The following LAMA4 variants were observed in gnomAD, a reference collection of about 807,000 sequenced individuals.
LAMA4 encodes the protein laminin subunit alpha 4, also known as laminin subunit alpha-4.
A neutral mutation model predicts 207.1 loss-of-function variants in LAMA4; 127 were observed. The ratio of observed to expected loss-of-function variants is 0.61; its 90% CI spans 0.53 to 0.71. The LOEUF is 0.71. Among genes scored for constraint, LAMA4 ranks in the 30% least tolerant of loss-of-function variants. The pLI, the probability that LAMA4 is intolerant of heterozygous loss-of-function variation, is 0.00. For missense variants in LAMA4, 2,093 were observed against 2,246.5 expected (o/e 0.93, Z 1.38); for synonymous variants, 761 against 816.0 (o/e 0.93, Z 1.15).
chr6:112,108,151 T>G lies in LAMA4; in HGVS notation c.*1286A>C, dbSNP rs1453026987. Among the ~76,000 whole-genome samples the G allele has an allele frequency of 6.6e-6, 1 of 152,132 alleles. No homozygotes were observed. Among genetic ancestry groups the G allele is most frequent in the Non-Finnish European group, 1.5e-5 (1 of 68,026 alleles). On this transcript the variant is annotated 3_prime_UTR_variant, in exon 39 of 39. Coordinates refer to ENST00000230538, the MANE Select transcript of LAMA4 (RefSeq NM_001105206.3). Reference sequence around the variant, plus strand: ...GGTAACATTGTTTTATTCCCCTTGGTAATTCCTCAAAATATTTTATATCCT... The same window carrying G: ...GGTAACATTGTTTTATTCCCCTTGGGAATTCCTCAAAATATTTTATATCCT...
intron 2 of LAMA4, among the ~76,000 whole-genome samples, chr6:112,217,348 A>G (rs1784686555): frequency 6.6e-6 from 1 of 152,176 alleles, no homozygotes; most frequent in Non-Finnish European, 1.5e-5. Context: ...AAATGGCATT[A>G]TGGGCCTGGA....
chr6:112,129,105 A>G (rs1554328693), intron 30 of LAMA4, 30 bp from the exon 31 acceptor site: 1 of 1,569,106 alleles, frequency 6.4e-7, no homozygotes, highest in Non-Finnish European at 8.8e-7. Context: ...AAAAATAAAT[A>G]TTAAAAATAT....
chr6:112,206,874 T>C (rs1200183307), intron 4 of LAMA4, 147 bp downstream of exon 4: 1 of 904,470 alleles, frequency 1.1e-6, no homozygotes, highest in Non-Finnish European at 1.7e-6. Flanking sequence ...TAGAAACTTT[T>C]TCTATATCTT....
Position 112,175,404 on chromosome 6 carries a change from C to T in LAMA4, c.1266G>A (p.Leu422=), listed in dbSNP as rs782242992. The T allele has an allele frequency of 6.2e-7, 1 of 1,614,158 alleles. No homozygotes were observed. The highest frequency in any genetic ancestry group is 1.1e-5 in the South Asian group (1 of 91,082). ...TAATCTCTTCAAGCATCTTCTGGGCCAACACCAGCTTCTCAGAGATTTCCT... is the reference window on the plus strand; with the variant it reads ...TAATCTCTTCAAGCATCTTCTGGGCTAACACCAGCTTCTCAGAGATTTCCT... ...SPKEISEKLV[L]AQKMLEEIRS... Residue 422 remains leucine, a synonymous_variant, in exon 11 of 39, where the codon TTG becomes TTA. Coordinates refer to ENST00000230538, the MANE Select transcript of LAMA4 (RefSeq NM_001105206.3).
intron 25 of LAMA4, among the ~76,000 whole-genome samples, chr6:112,135,458 T>A (rs1779283580): frequency 1.3e-5 from 2 of 152,230 alleles, no homozygotes; most frequent in East Asian, 3.8e-4. Flanking sequence ...ACCATTCTCA[T>A]GAGGCTATGG....
intron 12 of LAMA4, chr6:112,171,905 A>G (rs1378643266): frequency 6.6e-6 from 1 of 152,342 alleles, no homozygotes. Flanking sequence ...GAATTTGCTC[A>G]TAATTGGTTT....
chr6:112,156,742 C>G (rs1349829428), intron 14 of LAMA4, among the ~76,000 whole-genome samples: 1 of 152,096 alleles, frequency 6.6e-6, no homozygotes, highest in East Asian at 1.9e-4. Flanking sequence ...GTCTTCAAAC[C>G]GCCTGACCTG....
chr6:112,185,409 A>G, intron 8 of LAMA4, 62 bp from the exon 9 acceptor site: 1 of 976,806 alleles, frequency 1.0e-6, no homozygotes, highest in Admixed American at 1.7e-5. Flanking sequence ...AAATGTACAT[A>G]AAACTCTTTC....
intron 2 of LAMA4, among the ~76,000 whole-genome samples, chr6:112,222,887 G>A (rs1785002437): frequency 6.6e-6 from 1 of 152,064 alleles, no homozygotes; most frequent in East Asian, 1.9e-4. Context: ...AGAAATGTTG[G>A]GTTTGAGGAT....
intron 13 of LAMA4, 153 bp from the exon 14 acceptor site, chr6:112,159,033 T>C (rs1780895426): frequency 1.6e-6 from 1 of 633,000 alleles, no homozygotes; most frequent in Non-Finnish European, 2.8e-6. Flanking sequence ...TAAGTATATG[T>C]CTATTTATCC....
chr6:112,139,079 G>A (rs781795648), intron 24 of LAMA4, 41 bp downstream of exon 24: 1 of 1,587,036 alleles, frequency 6.3e-7, no homozygotes, highest in Non-Finnish European at 8.7e-7. Flanking sequence ...AGAAAGTAAA[G>A]GAAATAAAGG....
intron 11 of LAMA4, 65 bp from the exon 12 acceptor site, chr6:112,172,869 A>G: frequency 6.9e-7 from 1 of 1,446,944 alleles, no homozygotes; most frequent in Non-Finnish European, 9.6e-7. Context: ...TCCTCCCAGC[A>G]TTTTGCAAAG....
Position 112,254,076 on chromosome 6 carries a change from C to A in LAMA4, c.75G>T (p.Ala25=). 1 of 1,611,552 alleles carries A rather than the reference C, an allele frequency of 6.2e-7. No individual in the cohort carries two copies. The highest frequency in any genetic ancestry group is 1.1e-5 in the South Asian group (1 of 90,614). ...AAGGAAAAGCGTTGTCGTCCCCGGA[C>A]GCGGCGCGGGAGCAGGCAGCGCTCC... The part of the protein sequence containing the change: ...LLWSAACSRA[A]SGDDNAFPFD... Residue 25 remains alanine, a synonymous_variant, in exon 2 of 39, where the codon GCG becomes GCT. Coordinates refer to ENST00000230538, the MANE Select transcript of LAMA4 (RefSeq NM_001105206.3).
chr6:112,222,127 A>T (rs1784957990), intron 2 of LAMA4, among the ~76,000 whole-genome samples: 1 of 152,206 alleles, frequency 6.6e-6, no homozygotes, highest in Admixed American at 6.5e-5. Context: ...GTTACCAAGA[A>T]GTTGGCTTCT....
chr6:112,192,493 G>A (rs2114968965), intron 5 of LAMA4, among the ~76,000 whole-genome samples: 1 of 152,346 alleles, frequency 6.6e-6, no homozygotes, highest in Non-Finnish European at 1.5e-5. Context: ...GCAGATGGCA[G>A]AGCTGAGAGT....
At chr6:112,253,698 G>T in intron 2 of LAMA4, 1 of 1,568,828 alleles carries the variant, frequency 6.4e-7, no homozygotes, top group South Asian at 1.1e-5. Flanking sequence ...TCTAGCGGAT[G>T]AACTCAGAGC....
intron 31 of LAMA4, among the ~76,000 whole-genome samples, chr6:112,127,688 G>A (rs73532618): frequency 0.047 from 7,099 of 152,158 alleles, 551 homozygotes; most frequent in African/African-American, 0.16. Flanking sequence ...CTGACTGTAG[G>A]GTTGAGAATA....
rs1778098106 is a variant in LAMA4, at chr6:112,117,655, T to G, written c.4981+84A>C. On this transcript the variant is annotated intron_variant, in intron 35 of 38. Coordinates refer to ENST00000230538, the MANE Select transcript of LAMA4 (RefSeq NM_001105206.3). This position sits in a 1 kb window ranked among gnomAD's most constrained non-coding sequence, Gnocchi z 4.5. ...GGGCTGAGTTTGGCATTCTTAAGTT[T>G]TAACTCTGGGCCTGATATTCCCTGT... 1.4e-6 allele frequency: 2 copies of G among 1,403,174 alleles called. No homozygotes were observed. The highest frequency in any genetic ancestry group is 1.0e-6 in the Non-Finnish European group (1 of 993,098). 86.9% of individuals were successfully genotyped at this position (1,403,174 alleles called of 1,614,324 possible).
chr6:112,128,821 A>T (rs1778852342), intron 31 of LAMA4, 101 bp downstream of exon 31: 1 of 950,158 alleles, frequency 1.1e-6, no homozygotes, highest in Admixed American at 1.9e-5. Flanking sequence ...CTATGTACGT[A>T]GTTGCAAAGT....
Sources: allele counts gnomAD v4.1 joint callset (sites outside exome capture counted in the v4.1 genomes callset), GRCh38; gene constraint gnomAD v4.1.1; non-coding constraint Gnocchi (gnomAD v3.1); transcripts MANE v1.5; gene names NCBI Gene and HGNC (gene_info 2026-07-23, HGNC 2026-07-21).